The following EPHA6 variants were observed in gnomAD, a reference collection of about 807,000 sequenced individuals.
EPHA6 encodes the protein EPH receptor A6, also known as ephrin type-A receptor 6.
A neutral mutation model predicts 112.0 loss-of-function variants in EPHA6; 50 were observed. The ratio of observed to expected loss-of-function variants is 0.45; its 90% CI spans 0.36 to 0.56. The LOEUF (loss-of-function observed/expected upper bound fraction) is 0.56, where lower values mean the gene tolerates loss of function less well. Ranked by LOEUF, EPHA6 falls within the 20% of genes least tolerant of loss-of-function variation. EPHA6 has a pLI of 0.00. For synonymous variants in EPHA6, 529 were observed against 490.7 expected (o/e 1.08, Z -1.03); for missense variants, 1,280 against 1,417.4 (o/e 0.90, Z 1.56).
chr3:97,358,793 C>T (rs548591281), intron 5 of EPHA6, among the ~76,000 whole-genome samples: 20 of 152,138 alleles, frequency 1.3e-4, no homozygotes, highest in African/African-American at 4.6e-4. Context: ...TATTTAATTT[C>T]TCCCTTACTT....
intron 14 of EPHA6, among the ~76,000 whole-genome samples, chr3:97,670,929 G>A (rs979843598): frequency 2.0e-4 from 31 of 152,184 alleles, no homozygotes; most frequent in Non-Finnish European, 3.5e-4. Flanking sequence ...TTCACTCATC[G>A]GATCTAGGAG....
At chr3:97,471,638 G>A (rs560969036) in intron 7 of EPHA6, among the ~76,000 whole-genome samples, 18 of 151,554 alleles carry the variant, frequency 1.2e-4, no homozygotes, top group Non-Finnish European at 3.0e-5. Context: ...GATTAGTGTT[G>A]GGTACACTCT....
chr3:97,232,248 A>T (rs903214150), intron 4 of EPHA6, among the ~76,000 whole-genome samples: 3 of 152,192 alleles, frequency 2.0e-5, no homozygotes, highest in Non-Finnish European at 4.4e-5. Context: ...CAATGATTTA[A>T]ATGAGTTAAT....
At chr3:97,088,482 C>T (rs78097993) in intron 3 of EPHA6, among the ~76,000 whole-genome samples, 3 of 152,238 alleles carry the variant, frequency 2.0e-5, no homozygotes, top group Non-Finnish European at 2.9e-5. Flanking sequence ...TCTGTGGGTT[C>T]TCTGGAGAAG....
intron 3 of EPHA6, among the ~76,000 whole-genome samples, chr3:97,094,627 G>T (rs767285010): frequency 2.6e-5 from 4 of 152,064 alleles, no homozygotes; most frequent in Non-Finnish European, 5.9e-5. Flanking sequence ...AGGTTTCAAT[G>T]ATTGAAATAT....
At chr3:96,938,621 C>T (rs1165787350) in intron 2 of EPHA6, among the ~76,000 whole-genome samples, 2 of 151,652 alleles carry the variant, frequency 1.3e-5, no homozygotes, top group East Asian at 3.9e-4. Context: ...GCCTAATTGC[C>T]CTGGCCAGAA....
chr3:97,549,317 T>C (rs1314957793), intron 11 of EPHA6, among the ~76,000 whole-genome samples: 1 of 152,156 alleles, frequency 6.6e-6, no homozygotes, highest in Non-Finnish European at 1.5e-5. Flanking sequence ...CCACTGCTAA[T>C]GTTGCCAGGA....
chr3:97,625,864 G>A (rs1160292963), intron 13 of EPHA6, among the ~76,000 whole-genome samples: 1 of 151,674 alleles, frequency 6.6e-6, no homozygotes, highest in Non-Finnish European at 1.5e-5. Flanking sequence ...ACCTAGTGGA[G>A]GATTGACTTT....
At chr3:96,865,943 C>T (rs2036285099) in intron 1 of EPHA6, among the ~76,000 whole-genome samples, 1 of 151,944 alleles carries the variant, frequency 6.6e-6, no homozygotes, top group Admixed American at 6.6e-5. Flanking sequence ...CCAATCGTTT[C>T]TATCATCTAA....
intron 12 of EPHA6, chr3:97,606,029 A>G (rs2093677873): frequency 6.6e-6 from 1 of 151,472 alleles, no homozygotes; most frequent in African/African-American, 2.4e-5. Context: ...AAATTAAGGT[A>G]AAGAAGAGAT....
At chr3:97,643,593 G>A (rs1489882541) in intron 14 of EPHA6, among the ~76,000 whole-genome samples, 1 of 149,604 alleles carries the variant, frequency 6.7e-6, no homozygotes, top group Non-Finnish European at 1.5e-5. Flanking sequence ...AAGGATGGAG[G>A]AAGATCTACC....
chr3:97,145,758 AAAAT>A (rs1408913607), intron 3 of EPHA6, among the ~76,000 whole-genome samples: 1 of 151,694 alleles, frequency 6.6e-6, no homozygotes, highest in Non-Finnish European at 1.5e-5. Context: ...TTTACTAGCT[AAAAT>A]AAATAGAGAA....
Position 97,086,265 on chromosome 3 carries a change from A to G in EPHA6, c.1114+98272A>G, listed in dbSNP as rs576473608. Reference sequence around the variant, plus strand: ...GTAACAGCTGTCAAAGTCTTGAGCTATAATACTGTCCTCATGCTGAAATTT... The same window carrying G: ...GTAACAGCTGTCAAAGTCTTGAGCTGTAATACTGTCCTCATGCTGAAATTT... On this transcript the variant is annotated intron_variant, in intron 3 of 17. Coordinates refer to ENST00000389672, the MANE Select transcript of EPHA6 (RefSeq NM_001080448.3). 1.1e-4 allele frequency among the ~76,000 whole-genome samples: 16 copies of G among 152,202 alleles called. No individual in the cohort carries two copies. The South Asian group carries it at 3.3e-3, about 32-fold the overall frequency.
chr3:96,910,928 A>G (rs947631053), intron 2 of EPHA6, among the ~76,000 whole-genome samples: 1 of 152,064 alleles, frequency 6.6e-6, no homozygotes, highest in African/African-American at 2.4e-5. Flanking sequence ...CTGAAAGACC[A>G]TTGTTTTTCT....
intron 1 of EPHA6, among the ~76,000 whole-genome samples, chr3:96,838,046 C>T (rs920451954): frequency 5.3e-5 from 8 of 151,996 alleles, no homozygotes; most frequent in East Asian, 1.9e-4. Context: ...TATGGCCCTC[C>T]GACAGGCCCC....
At chr3:97,598,637 T>C (rs1372421515) in intron 12 of EPHA6, among the ~76,000 whole-genome samples, 2 of 152,158 alleles carry the variant, frequency 1.3e-5, no homozygotes, top group African/African-American at 2.4e-5. Context: ...GGTGTATATG[T>C]GCCACATTTT....
chr3:97,682,089 A>AGCAG (rs2031906105), intron 14 of EPHA6, among the ~76,000 whole-genome samples: 1 of 152,120 alleles, frequency 6.6e-6, no homozygotes, highest in Non-Finnish European at 1.5e-5. Flanking sequence ...AGAAGCTAAA[A>AGCAG]GCAGCCAAAT....
At chr3:97,152,803 C>T (rs1175758646) in intron 3 of EPHA6, among the ~76,000 whole-genome samples, 64 of 152,084 alleles carry the variant, frequency 4.2e-4, no homozygotes, top group Admixed American at 4.2e-3. Context: ...TTTTTCTTCT[C>T]ATGTGAGACA....
chr3:97,431,041 A>G (rs1479357832), intron 6 of EPHA6, among the ~76,000 whole-genome samples: 1 of 152,126 alleles, frequency 6.6e-6, no homozygotes, highest in Non-Finnish European at 1.5e-5. Flanking sequence ...TTAATGGAAA[A>G]TTATGAAATA....
Sources: gnomAD v4.1 joint callset for allele counts (sites outside exome capture counted in the v4.1 genomes callset) on GRCh38, gnomAD v4.1.1 for gene constraint, MANE v1.5 for transcripts, NCBI Gene and HGNC (gene_info 2026-07-23, HGNC 2026-07-21) for gene names.